Variants in C9orf153 observed in about 807,000 individuals in gnomAD.
C9orf153 encodes chromosome 9 open reading frame 153, also known as uncharacterized protein C9orf153.
C9orf153 carries 10 observed loss-of-function variants against 9.0 expected under a neutral mutation model. The ratio of observed to expected loss-of-function variants is 1.11; its 90% confidence interval spans 0.69 to 1.89. C9orf153 has a LOEUF of 1.89. Among genes scored for constraint, C9orf153 ranks in the 40% most tolerant of loss-of-function variants. The probability of loss-of-function intolerance (pLI) is 0.00; values close to 1 mark genes in which losing one functional copy is unlikely to be tolerated. For synonymous variants in C9orf153, 35 were observed against 37.3 expected (o/e 0.94, Z 0.23); for missense variants, 108 against 111.0 (o/e 0.97, Z 0.12).
intron 1 of C9orf153, among the ~76,000 whole-genome samples, chr9:86,230,660 AACTC>A (rs1054454333): frequency 1.1e-4 from 16 of 152,322 alleles, no homozygotes; most frequent in African/African-American, 3.6e-4. Flanking sequence ...TCTAAAGAAA[AACTC>A]ACCCACCTCC....
chr9:86,227,937 G>A lies in C9orf153; in HGVS notation c.160C>T (p.Gln54Ter), dbSNP rs1387345867. 1 of 1,613,826 alleles carries A rather than the reference G, an allele frequency of 6.2e-7. No individual in the cohort carries two copies. Among genetic ancestry groups the A allele is most frequent in the Admixed American group, 1.7e-5 (1 of 59,994 alleles). Residue 54 changes from glutamine (Q) to a stop codon, truncating the protein, a stop_gained, in exon 3 of 4, where the codon CAG becomes TAG. Coordinates refer to ENST00000339137, the MANE Select transcript of C9orf153 (RefSeq NM_001276366.4). LOFTEE classifies it high-confidence loss of function. ...TTCAGGTTTCTAGCAAGTACTTCCT[G>A]TGCTTCGTTAAGTGAAATACCATGC... is the stretch of plus-strand genomic sequence containing the variant. ...KMHGISLNEAQEVLARNLNVM... is the reference protein window; with the variant it reads ...KMHGISLNEA
At chr9:86,237,074 G>T (rs991692681) in intron 1 of C9orf153, among the ~76,000 whole-genome samples, 1 of 151,996 alleles carries the variant, frequency 6.6e-6, no homozygotes, top group African/African-American at 2.4e-5. Flanking sequence ...TTATTATAAG[G>T]TACTCACACT....
At chr9:86,236,301 A>T (rs953088786) in intron 1 of C9orf153, among the ~76,000 whole-genome samples, 3 of 152,174 alleles carry the variant, frequency 2.0e-5, no homozygotes, top group Non-Finnish European at 4.4e-5. Context: ...CTGTAATCCC[A>T]GCACTTTGAG....
At chr9:86,255,083 G>C (rs370852356) in intron 1 of C9orf153, among the ~76,000 whole-genome samples, 48 of 151,168 alleles carry the variant, frequency 3.2e-4, no homozygotes, top group African/African-American at 1.1e-3. Context: ...AAAAGAGAGA[G>C]AAAAAGAAAT....
At chr9:86,235,110 T>G (rs1824552266) in intron 1 of C9orf153, among the ~76,000 whole-genome samples, 1 of 152,072 alleles carries the variant, frequency 6.6e-6, no homozygotes, top group Non-Finnish European at 1.5e-5. Context: ...ATGTTCGGCT[T>G]TCAACAAAAG....
intron 3 of C9orf153, among the ~76,000 whole-genome samples, chr9:86,225,687 G>A (rs1449570399): frequency 6.6e-6 from 1 of 152,070 alleles, no homozygotes; most frequent in Non-Finnish European, 1.5e-5. Context: ...GTTTCACCAT[G>A]TTGTCCAGGC....
chr9:86,222,868 C>T (rs1186913988), intron 3 of C9orf153, among the ~76,000 whole-genome samples: 1 of 152,144 alleles, frequency 6.6e-6, no homozygotes, highest in Non-Finnish European at 1.5e-5. Flanking sequence ...TTGAGCATGT[C>T]ACCTGTAGTC....
At chr9:86,233,305 C>A (rs1420566149) in intron 1 of C9orf153, among the ~76,000 whole-genome samples, 2 of 152,130 alleles carry the variant, frequency 1.3e-5, no homozygotes, top group Non-Finnish European at 2.9e-5. Flanking sequence ...ATCATGTAAT[C>A]TTCAGTATAA....
intron 1 of C9orf153, among the ~76,000 whole-genome samples, chr9:86,258,837 C>T (rs1352906553): frequency 6.6e-6 from 1 of 151,510 alleles, no homozygotes; most frequent in Non-Finnish European, 1.5e-5. Context: ...ACACAGCTTT[C>T]CCCTTTTTTT....
chr9:86,235,347 C>G lies in C9orf153; in HGVS notation c.-26-5718G>C, dbSNP rs144388100. On this transcript the variant is annotated intron_variant, in intron 1 of 3. Coordinates refer to ENST00000339137, the MANE Select transcript of C9orf153 (RefSeq NM_001276366.4). ...AAAAAGAAATGCTAAAGGTCAGAAA[C>G]ACTGTCAGAGAAATGCAGAATGCCA... 4.1e-3 allele frequency among the ~76,000 whole-genome samples: 618 copies of G among 152,246 alleles called. 9 individuals carry two copies. The highest frequency in any genetic ancestry group is 0.012 in the African/African-American group (503 of 41,554).
At chr9:86,231,619 G>C (rs1391993556) in intron 1 of C9orf153, among the ~76,000 whole-genome samples, 1 of 150,672 alleles carries the variant, frequency 6.6e-6, no homozygotes, top group East Asian at 1.9e-4. Context: ...ATATATACAT[G>C]TATGTATATG....
At chr9:86,237,114 GGTCTTGGGTTAGTTGTAAA>G (rs1319241747) in intron 1 of C9orf153, among the ~76,000 whole-genome samples, 3 of 151,974 alleles carry the variant, frequency 2.0e-5, no homozygotes, top group African/African-American at 7.2e-5. Context: ...ATTTGAAAGT[GGTCTTGGGTTAGTTGTAAA>G]CATATACTGC....
chr9:86,244,159 A>C (rs1824813476), intron 1 of C9orf153, among the ~76,000 whole-genome samples: 1 of 152,244 alleles, frequency 6.6e-6, no homozygotes, highest in Non-Finnish European at 1.5e-5. Flanking sequence ...AATTACATAA[A>C]GATAATATTT....
At chr9:86,224,617 T>C (rs1020889620) in intron 3 of C9orf153, among the ~76,000 whole-genome samples, 3 of 152,014 alleles carry the variant, frequency 2.0e-5, no homozygotes, top group Non-Finnish European at 4.4e-5. Flanking sequence ...TATTGAAACA[T>C]ATATTGTACT....
At chr9:86,257,536 A>T (rs1825146757) in intron 1 of C9orf153, among the ~76,000 whole-genome samples, 1 of 152,104 alleles carries the variant, frequency 6.6e-6, no homozygotes, top group African/African-American at 2.4e-5. Flanking sequence ...TTTCCCCAAA[A>T]TGCCTAATGG....
intron 1 of C9orf153, among the ~76,000 whole-genome samples, chr9:86,232,728 T>TTTTTC (rs752693741): frequency 7.2e-5 from 11 of 152,106 alleles, no homozygotes; most frequent in Middle Eastern, 6.8e-3. Context: ...CTCGTAATTC[T>TTTTTC]TTTTCTTTTC....
intron 1 of C9orf153, among the ~76,000 whole-genome samples, chr9:86,233,813 G>A (rs980929967): frequency 2.6e-5 from 4 of 152,110 alleles, no homozygotes; most frequent in Admixed American, 6.5e-5. Flanking sequence ...GGCCGGGCGC[G>A]GTGACTGGCG....
chr9:86,232,263 G>A (rs1030526786), intron 1 of C9orf153, among the ~76,000 whole-genome samples: 6 of 152,282 alleles, frequency 3.9e-5, no homozygotes, highest in African/African-American at 7.2e-5. Context: ...TCAGGATTCC[G>A]AATGCTGAAA....
At chr9:86,225,333 C>T (rs1338145105) in intron 3 of C9orf153, among the ~76,000 whole-genome samples, 1 of 151,096 alleles carries the variant, frequency 6.6e-6, no homozygotes, top group African/African-American at 2.4e-5. Context: ...TTCTTTCTTT[C>T]CTTTCTTTCT....
Sources: allele counts gnomAD v4.1 joint callset (sites outside exome capture counted in the v4.1 genomes callset), GRCh38; gene constraint gnomAD v4.1.1; transcripts MANE v1.5; gene names NCBI Gene and HGNC (gene_info 2026-07-23, HGNC 2026-07-21).